CDH12: variants seen among roughly 807,000 people sequenced by gnomAD.
CDH12 encodes the protein cadherin-12.
A neutral mutation model predicts 74.1 loss-of-function variants in CDH12; 41 were observed. That is an observed-to-expected ratio of 0.55 (90% confidence interval 0.43 to 0.72). The LOEUF is 0.72. Ranked by LOEUF, CDH12 falls within the 30% of genes least tolerant of loss-of-function variation. The pLI is 0.00. For missense variants in CDH12, 945 were observed against 977.2 expected (o/e 0.97, Z 0.44); for synonymous variants, 399 against 355.0 (o/e 1.12, Z -1.39).
chr5:22,423,109 T>C (rs1743727152), intron 2 of CDH12, among the ~76,000 whole-genome samples: 1 of 151,914 alleles, frequency 6.6e-6, no homozygotes, highest in Non-Finnish European at 1.5e-5. Context: ...GTGTGTGTGT[T>C]GGTGAAGAAT....
At chr5:22,108,895 T>A (rs1474319795) in intron 4 of CDH12, among the ~76,000 whole-genome samples, 1 of 152,206 alleles carries the variant, frequency 6.6e-6, no homozygotes, top group Non-Finnish European at 1.5e-5. Flanking sequence ...GAAAGCTGTA[T>A]GTATTGCATT....
In CDH12 at chr5:21,942,345, TATACAC is replaced by T. The variant is rs774596543; in HGVS notation, c.526+32740_526+32745del. ...ATGAGACAAATACAGTATATATATA[TATACAC>T]ACACACACACACACACACACACACA... On this transcript the variant is annotated intron_variant, in intron 6 of 14. Transcript: ENST00000382254. Among the ~76,000 whole-genome samples the T allele has an allele frequency of 7.8e-3, 774 of 99,048 alleles. 3 individuals are homozygous for T. The highest frequency in any genetic ancestry group is 0.023 in the Middle Eastern group (5 of 216). The allele number at this position is 99,048 out of a possible 152,430, so 65.0% of individuals were successfully genotyped here.
Position 21,755,380 on chromosome 5 carries a change from A to G in CDH12, c.1885+211T>C, listed in dbSNP as rs191861822. On this transcript the variant is annotated intron_variant, in intron 14 of 14. Transcript: ENST00000382254. ...TTTATGATGTTATTTATTTATCCCC[A>G]ATAATATATATCCAAGAAGTATGAA... Among the ~76,000 whole-genome samples the G allele has an allele frequency of 2.0e-5, 3 of 152,278 alleles. No individual in the cohort carries two copies. In the East Asian group the frequency reaches 5.8e-4, roughly 29 times the overall value.
intron 1 of CDH12, among the ~76,000 whole-genome samples, chr5:22,607,062 G>T (rs1167435469): frequency 6.6e-6 from 1 of 152,180 alleles, no homozygotes; most frequent in African/African-American, 2.4e-5. Context: ...ACTTGAGAGA[G>T]ATAATTTAGT....
chr5:22,561,506 AT>A (rs903085049), intron 1 of CDH12, among the ~76,000 whole-genome samples: 5 of 151,532 alleles, frequency 3.3e-5, no homozygotes, highest in Non-Finnish European at 5.9e-5. Flanking sequence ...TAAAATCTGT[AT>A]TTTTTTTTCC....
chr5:22,773,862 C>T lies in CDH12; in HGVS notation c.-523+79196G>A, dbSNP rs190524486. On this transcript the variant is annotated intron_variant, in intron 1 of 14. Coordinates refer to ENST00000382254, the MANE Select transcript of CDH12 (RefSeq NM_004061.5). Reference sequence around the variant, plus strand: ...TGGACACTTCTTGGAAGAAGATATACAAACAGCCAACAAATATATGAAAAA... The same window carrying T: ...TGGACACTTCTTGGAAGAAGATATATAAACAGCCAACAAATATATGAAAAA... Among the ~76,000 whole-genome samples the T allele has an allele frequency of 1.2e-4, 19 of 152,110 alleles. No homozygotes were observed. In the East Asian group the frequency reaches 3.7e-3, roughly 29 times the overall value.
chr5:22,555,631 T>C (rs1024195003), intron 1 of CDH12, among the ~76,000 whole-genome samples: 1 of 152,034 alleles, frequency 6.6e-6, no homozygotes, highest in Non-Finnish European at 1.5e-5. Context: ...CACTTCAAAA[T>C]TCTTTATCAT....
rs138167794 is a variant in CDH12, at chr5:22,803,739, T to A, written c.-523+49319A>T. Among the ~76,000 whole-genome samples the A allele has an allele frequency of 1.8e-4, 28 of 152,294 alleles. No homozygotes were observed. The East Asian group carries it at 5.4e-3, about 29-fold the overall frequency. On this transcript the variant is annotated intron_variant, in intron 1 of 14. Transcript: ENST00000382254. Reference sequence around the variant, plus strand: ...CCTACTCTCTCAAACCTTTTGGAAGTGTTTGGAAGCCTTCCTGCTCTCCCC... The same window carrying A: ...CCTACTCTCTCAAACCTTTTGGAAGAGTTTGGAAGCCTTCCTGCTCTCCCC...
chr5:22,043,346 A>G (rs1739706336), intron 5 of CDH12, among the ~76,000 whole-genome samples: 1 of 152,196 alleles, frequency 6.6e-6, no homozygotes. Flanking sequence ...GACAAAAACC[A>G]TATGATCATT....
intron 8 of CDH12, among the ~76,000 whole-genome samples, chr5:21,825,923 A>G (rs1163252746): frequency 1.3e-5 from 2 of 152,322 alleles, no homozygotes; most frequent in East Asian, 3.9e-4. Flanking sequence ...GCATTTTGGT[A>G]TCATCTGGAA....
intron 2 of CDH12, among the ~76,000 whole-genome samples, chr5:22,437,606 T>TAAAA (rs1744458310): frequency 6.6e-6 from 1 of 151,416 alleles, no homozygotes; most frequent in Non-Finnish European, 1.5e-5. Context: ...AGTACATTCT[T>TAAAA]TTATAAATTT....
chr5:22,726,814 T>C (rs1323718197), intron 1 of CDH12, among the ~76,000 whole-genome samples: 1 of 151,846 alleles, frequency 6.6e-6, no homozygotes, highest in African/African-American at 2.4e-5. Flanking sequence ...CAGACCTTCA[T>C]TATAGAAGTA....
intron 1 of CDH12, among the ~76,000 whole-genome samples, chr5:22,756,296 A>G (rs1455409476): frequency 2.6e-5 from 4 of 152,194 alleles, no homozygotes; most frequent in South Asian, 2.1e-4. Flanking sequence ...ATCGTACACT[A>G]TATTTGTAAC....
At chr5:22,822,636 T>C (rs1191179896) in intron 1 of CDH12, among the ~76,000 whole-genome samples, 2 of 152,184 alleles carry the variant, frequency 1.3e-5, no homozygotes, top group African/African-American at 4.8e-5. Flanking sequence ...GAAAAAATGC[T>C]CATCATCACT....
intron 2 of CDH12, 135 bp downstream of exon 2, chr5:22,505,135 T>C (rs148286671): frequency 1.8e-5 from 3 of 163,202 alleles, no homozygotes; most frequent in Admixed American, 1.3e-4. Context: ...CAACTCCTTG[T>C]AAATATACAA....
chr5:22,125,862 C>A (rs1745826565), intron 4 of CDH12, among the ~76,000 whole-genome samples: 1 of 152,126 alleles, frequency 6.6e-6, no homozygotes, highest in African/African-American at 2.4e-5. Context: ...TGTATTGACT[C>A]CCTCGCTTTT....
chr5:22,538,398 T>C (rs1331744706), intron 1 of CDH12, among the ~76,000 whole-genome samples: 1 of 152,202 alleles, frequency 6.6e-6, no homozygotes, highest in Non-Finnish European at 1.5e-5. Context: ...TAACTACCTA[T>C]AAGGCCAGAT....
chr5:22,478,607 A>G (rs1045072134), intron 2 of CDH12, among the ~76,000 whole-genome samples: 1 of 152,022 alleles, frequency 6.6e-6, no homozygotes, highest in Non-Finnish European at 1.5e-5. Context: ...AATAATATCA[A>G]GAGCAAATGT....
At chr5:21,864,603 GA>G (rs1751230361) in intron 6 of CDH12, among the ~76,000 whole-genome samples, 1 of 152,102 alleles carries the variant, frequency 6.6e-6, no homozygotes, top group Admixed American at 6.6e-5. Flanking sequence ...TCTATTACAG[GA>G]GCACAAAACA....
Sources: allele counts gnomAD v4.1 joint callset (sites outside exome capture counted in the v4.1 genomes callset), GRCh38; gene constraint gnomAD v4.1.1; transcripts MANE v1.5; gene names NCBI Gene and HGNC (gene_info 2026-07-23, HGNC 2026-07-21).